The following TOX variants were observed in gnomAD, a reference collection of about 807,000 sequenced individuals.
The protein encoded by TOX is thymocyte selection associated high mobility group box, also known as thymocyte selection-associated high mobility group box protein TOX.
TOX carries 11 observed loss-of-function variants against 53.7 expected under a neutral mutation model. The ratio of observed to expected loss-of-function variants is 0.20; its 90% confidence interval spans 0.13 to 0.34. The LOEUF is 0.34. Among genes scored for constraint, TOX ranks in the 10% least tolerant of loss-of-function variants. The pLI is 1.00. For missense variants in TOX, 570 were observed against 664.6 expected (o/e 0.86, Z 1.56); for synonymous variants, 225 against 245.3 (o/e 0.92, Z 0.77).
chr8:58,963,575 C>T (rs1812839316), intron 1 of TOX, among the ~76,000 whole-genome samples: 1 of 152,226 alleles, frequency 6.6e-6, no homozygotes, highest in Non-Finnish European at 1.5e-5. Flanking sequence ...ACTCTCTGCT[C>T]ACAGTTCCTA....
At chr8:59,052,837 T>C (rs1803815749) in intron 1 of TOX, among the ~76,000 whole-genome samples, 1 of 152,112 alleles carries the variant, frequency 6.6e-6, no homozygotes, top group Non-Finnish European at 1.5e-5. Flanking sequence ...GCAAAGTTCT[T>C]AGAAAAAAAC....
chr8:58,830,021 A>G (rs1039074535), intron 5 of TOX, among the ~76,000 whole-genome samples: 1 of 152,164 alleles, frequency 6.6e-6, no homozygotes, highest in Non-Finnish European at 1.5e-5. Context: ...ATTTATGTCA[A>G]AGTTCAGTTT....
intron 1 of TOX, among the ~76,000 whole-genome samples, chr8:59,093,313 T>C (rs534629912): frequency 4.6e-5 from 7 of 152,338 alleles, no homozygotes; most frequent in South Asian, 2.1e-4. Context: ...TAACAGTGAA[T>C]GCATCTACAG....
intron 1 of TOX, among the ~76,000 whole-genome samples, chr8:59,030,477 T>G (rs924525874): frequency 1.3e-5 from 2 of 152,322 alleles, no homozygotes; most frequent in East Asian, 3.9e-4. Flanking sequence ...CAAAAGCCAC[T>G]GAAGCTCTAC....
chr8:58,835,682 A>T (rs1311053000), intron 5 of TOX, among the ~76,000 whole-genome samples: 1 of 152,200 alleles, frequency 6.6e-6, no homozygotes, highest in Admixed American at 6.5e-5. Flanking sequence ...TAATATTGAC[A>T]ATGTAAAGAA....
At chr8:58,894,881 G>C (rs371717064) in intron 3 of TOX, among the ~76,000 whole-genome samples, 18 of 151,320 alleles carry the variant, frequency 1.2e-4, no homozygotes, top group East Asian at 1.2e-3. Context: ...GGGAGACAAA[G>C]TGAGACTCTG....
At chr8:58,847,280 C>T (rs530533434) in intron 4 of TOX, among the ~76,000 whole-genome samples, 1 of 151,866 alleles carries the variant, frequency 6.6e-6, no homozygotes, top group South Asian at 2.1e-4. Context: ...GGGTATAAAA[C>T]AAATATGTTG....
chr8:59,052,739 ATAATAT>A (rs1343884772), intron 1 of TOX, among the ~76,000 whole-genome samples: 1 of 152,184 alleles, frequency 6.6e-6, no homozygotes, highest in Non-Finnish European at 1.5e-5. Flanking sequence ...ATTTCTTCTG[ATAATAT>A]TAGTAGGATT....
At chr8:58,937,553 C>T (rs1041570632) in intron 3 of TOX, among the ~76,000 whole-genome samples, 5 of 152,182 alleles carry the variant, frequency 3.3e-5, no homozygotes, top group African/African-American at 1.2e-4. Context: ...GCCACAGTTA[C>T]TGACATTGCA....
chr8:58,821,771 G>T (rs1270210129), intron 6 of TOX, among the ~76,000 whole-genome samples: 2 of 152,092 alleles, frequency 1.3e-5, no homozygotes, highest in South Asian at 4.1e-4. Context: ...GTATAGATTT[G>T]CTTATTTTAT....
chr8:59,062,177 G>A (rs1377283152), intron 1 of TOX, among the ~76,000 whole-genome samples: 1 of 152,154 alleles, frequency 6.6e-6, no homozygotes, highest in African/African-American at 2.4e-5. Context: ...AGTGTGAGAC[G>A]TCCTCTAAGG....
intron 1 of TOX, among the ~76,000 whole-genome samples, chr8:59,033,720 A>G (rs1814400340): frequency 6.6e-6 from 1 of 152,134 alleles, no homozygotes; most frequent in Non-Finnish European, 1.5e-5. Flanking sequence ...TATATATCCA[A>G]TCTCTCCATC....
At chr8:59,063,490 C>G (rs1804028230) in intron 1 of TOX, among the ~76,000 whole-genome samples, 1 of 139,298 alleles carries the variant, frequency 7.2e-6, no homozygotes, top group South Asian at 2.3e-4. Flanking sequence ...GTGACATGAT[C>G]TTAGCTCACT....
At position 59,013,758 on chromosome 8, in the gene TOX, T is replaced by C. The variant is rs555793570; in HGVS notation, c.103-53750A>G. 2.2e-4 allele frequency among the ~76,000 whole-genome samples: 34 copies of C among 152,368 alleles called. No individual in the cohort carries two copies. The East Asian group carries it at 5.4e-3, about 24-fold the overall frequency. On this transcript the variant is annotated intron_variant, in intron 1 of 8. Transcript: ENST00000361421. ...CATTAATCATAGGCTAAGCATATTCTGCCCCAAATTTCCCCATCTGAACTC... is the reference window on the plus strand; with the variant it reads ...CATTAATCATAGGCTAAGCATATTCCGCCCCAAATTTCCCCATCTGAACTC...
intron 7 of TOX, among the ~76,000 whole-genome samples, chr8:58,810,116 G>A (rs574175006): frequency 1.3e-5 from 2 of 152,002 alleles, no homozygotes; most frequent in African/African-American, 2.4e-5. Context: ...CTTCCAGGTA[G>A]CTAGAACTAC....
intron 1 of TOX, among the ~76,000 whole-genome samples, chr8:58,978,008 A>C (rs555877229): frequency 6.6e-6 from 1 of 152,378 alleles, no homozygotes; most frequent in Non-Finnish European, 1.5e-5. Flanking sequence ...GGTAGCCACA[A>C]ACTGTCAATG....
intron 4 of TOX, among the ~76,000 whole-genome samples, chr8:58,839,773 C>A (rs1021814444): frequency 6.6e-6 from 1 of 152,178 alleles, no homozygotes. Flanking sequence ...TAATATGTAT[C>A]TTATTTAGAC....
At chr8:58,849,575 A>G (rs1022068223) in intron 4 of TOX, among the ~76,000 whole-genome samples, 2 of 152,188 alleles carry the variant, frequency 1.3e-5, no homozygotes, top group African/African-American at 4.8e-5. Context: ...ATGAATGTTA[A>G]TTCTATGAAT....
intron 1 of TOX, among the ~76,000 whole-genome samples, chr8:59,088,211 T>G (rs536127012): frequency 3.9e-5 from 6 of 152,202 alleles, no homozygotes; most frequent in African/African-American, 1.4e-4. Flanking sequence ...AGGTGATGAT[T>G]AGCAGTGTAA....
Sources: allele counts gnomAD v4.1 joint callset (sites outside exome capture counted in the v4.1 genomes callset), GRCh38; gene constraint gnomAD v4.1.1; transcripts MANE v1.5; gene names NCBI Gene and HGNC (gene_info 2026-07-23, HGNC 2026-07-21).